KIAA0513: variants seen among roughly 807,000 people sequenced by gnomAD.
KIAA0513 encodes uncharacterized protein KIAA0513.
A neutral mutation model predicts 56.5 loss-of-function variants in KIAA0513; 39 were observed. The ratio of observed to expected loss-of-function variants is 0.69; its 90% CI spans 0.53 to 0.90. The LOEUF is 0.90. Ranked by LOEUF, KIAA0513 falls within the 40% of genes least tolerant of loss-of-function variation. The pLI, the probability that KIAA0513 is intolerant of heterozygous loss-of-function variation, is 0.00. For missense variants in KIAA0513, 591 were observed against 535.2 expected (o/e 1.10, Z -1.03); for synonymous variants, 268 against 215.6 (o/e 1.24, Z -2.13).
At chr16:85,050,355 ATTTATTTT>A (rs1420531537) in intron 1 of KIAA0513, among the ~76,000 whole-genome samples, 13 of 54,512 alleles carry the variant, frequency 2.4e-4, no homozygotes, top group African/African-American at 1.6e-3. Context: ...TTATTTATTT[ATTTATTTT>A]TTTTGAGACG....
chr16:85,086,899 T>G, intron 11 of KIAA0513, 173 bp from the exon 12 acceptor site: 1 of 815,462 alleles, frequency 1.2e-6, no homozygotes, highest in African/African-American at 1.7e-5. Context: ...CGACCCCTGG[T>G]GGCCACAGTG....
chr16:85,055,024 G>A (rs1567529957), intron 1 of KIAA0513, among the ~76,000 whole-genome samples: 1 of 151,712 alleles, frequency 6.6e-6, no homozygotes, highest in Non-Finnish European at 1.5e-5. Flanking sequence ...CTGGACTCAA[G>A]CAGTCCTCCC....
At chr16:85,072,500 C>T (rs1313986974) in intron 3 of KIAA0513, among the ~76,000 whole-genome samples, 1 of 150,174 alleles carries the variant, frequency 6.7e-6, no homozygotes, top group Admixed American at 6.6e-5. Flanking sequence ...CCTGAGTGGC[C>T]TAAGTTTTTA....
chr16:85,038,612 G>A lies in KIAA0513; in HGVS notation c.-173+10754G>A, dbSNP rs1475141161. Among the ~76,000 whole-genome samples the A allele has an allele frequency of 2.0e-5, 3 of 151,266 alleles. No individual in the cohort carries two copies. The East Asian group carries it at 5.8e-4, about 29-fold the overall frequency. ...AATCCCAGCTACACGGGAGGCTGAG[G>A]CAGGAGAATCACTTGAACCTAGGAG... On this transcript the variant is annotated intron_variant, in intron 1 of 12. Transcript: ENST00000683363.
intron 4 of KIAA0513, among the ~76,000 whole-genome samples, chr16:85,073,962 GTTTTGTTTTTGT>G (rs56301630): frequency 4.1e-4 from 62 of 150,682 alleles, no homozygotes; most frequent in South Asian, 3.6e-3. Context: ...TTTTTGTTTT[GTTTTGTTTTTGT>G]TTTTGTTTTT....
Position 85,088,330 on chromosome 16 carries a change from C to T in KIAA0513, c.*5C>T, listed in dbSNP as rs779231870. ...GAGCAAATGGCCACTGAGTAGGCCC[C>T]AGAGGTCGCACTCCGCAGGAGGACT... On this transcript the variant is annotated 3_prime_UTR_variant, in exon 13 of 13. Transcript: ENST00000683363. 2 of 1,608,784 alleles carry T rather than the reference C, an allele frequency of 1.2e-6. No individual in the cohort carries two copies. The highest frequency in any genetic ancestry group is 2.2e-5 in the South Asian group (2 of 91,072).
intron 1 of KIAA0513, among the ~76,000 whole-genome samples, chr16:85,045,872 C>G (rs975094116): frequency 2.0e-5 from 3 of 152,212 alleles, no homozygotes; most frequent in Admixed American, 6.5e-5. Context: ...CCACTTCCAT[C>G]TGCCCATCTG....
intron 2 of KIAA0513, 124 bp downstream of exon 2, chr16:85,067,524 C>A: frequency 1.3e-6 from 1 of 762,190 alleles, no homozygotes; most frequent in Non-Finnish European, 2.1e-6. Flanking sequence ...ATTTCCCCAT[C>A]AGCCAGGGGT....
chr16:85,039,228 A>G (rs974751916), intron 1 of KIAA0513, among the ~76,000 whole-genome samples: 2 of 152,216 alleles, frequency 1.3e-5, no homozygotes, highest in Non-Finnish European at 2.9e-5. Context: ...GGCCCATTTA[A>G]TGTCGCAAGG....
rs62049921 is a variant in KIAA0513, at chr16:85,077,660, C to A, written c.782+28C>A. The A allele has an allele frequency of 1.4e-5, 22 of 1,544,660 alleles. No individual in the cohort carries two copies. In the African/African-American group the frequency reaches 2.7e-4, roughly 19 times the overall value. On this transcript the variant is annotated intron_variant, in intron 6 of 12. Coordinates refer to ENST00000683363, the MANE Select transcript of KIAA0513 (RefSeq NM_001388359.1). ...ACGTGTGGCCTTGGGGTCCCTCCCA[C>A]CTGCAGGGGACTGGGGAGAGGCTGG...
intron 11 of KIAA0513, 128 bp downstream of exon 11, chr16:85,086,852 G>A: frequency 1.1e-6 from 1 of 918,396 alleles, no homozygotes; most frequent in Non-Finnish European, 1.7e-6. Flanking sequence ...ATCACACTTG[G>A]CCTCCATGCC....
chr16:85,043,686 T>G (rs978928630), intron 1 of KIAA0513, among the ~76,000 whole-genome samples: 3 of 152,124 alleles, frequency 2.0e-5, no homozygotes, highest in African/African-American at 7.2e-5. Context: ...GTGCTGGAAT[T>G]ACAGGTGTGA....
intron 8 of KIAA0513, 56 bp downstream of exon 8, chr16:85,079,059 C>T (rs1567544263): frequency 6.2e-7 from 1 of 1,613,520 alleles, no homozygotes; most frequent in Non-Finnish European, 8.5e-7. Flanking sequence ...CCAGCAGTCA[C>T]TCCCCGGGAT....
Position 85,031,642 on chromosome 16 carries a change from T to A in KIAA0513, c.-173+3784T>A, listed in dbSNP as rs185010039. ...GTCATTCACCACGGTCCTGCCTTCT[T>A]CCTGTGCCTTCCGTGTGCCAAGATG... On this transcript the variant is annotated intron_variant, in intron 1 of 12. Transcript: ENST00000683363. 1.1e-3 allele frequency among the ~76,000 whole-genome samples: 166 copies of A among 152,296 alleles called. 1 individual carries two copies. Among genetic ancestry groups the A allele is most frequent in the African/African-American group, 3.8e-3 (160 of 41,566 alleles).
Position 85,081,112 on chromosome 16 carries a change from C to G in KIAA0513, c.903-203C>G, listed in dbSNP as rs974231876. Among the ~76,000 whole-genome samples, 2 of 152,218 alleles carry G rather than the reference C, an allele frequency of 1.3e-5. No homozygotes were observed. The highest frequency in any genetic ancestry group is 2.9e-5 in the Non-Finnish European group (2 of 68,046). The stretch of plus-strand genomic sequence containing the variant: ...TGCGCCATCTCTCCTAAGAGATACG[C>G]AGCCGCTGGGAGCCCCAGGGAAACA... On this transcript the variant is annotated intron_variant, in intron 8 of 12. Transcript: ENST00000683363. This position sits in a 1 kb window ranked among gnomAD's most constrained non-coding sequence, Gnocchi z 4.4.
intron 4 of KIAA0513, 152 bp downstream of exon 4, chr16:85,073,150 T>G (rs921433118): frequency 1.4e-6 from 1 of 715,646 alleles, no homozygotes; most frequent in African/African-American, 1.7e-5. Flanking sequence ...AGCATTCAGC[T>G]AAAAGGCACA....
chr16:85,064,546 C>G (rs1032535846), intron 1 of KIAA0513, among the ~76,000 whole-genome samples: 2 of 152,046 alleles, frequency 1.3e-5, no homozygotes, highest in Non-Finnish European at 2.9e-5. Context: ...TTAATTTTAC[C>G]ATAACTTTAC....
chr16:85,073,634 C>G (rs2073611931), intron 4 of KIAA0513, among the ~76,000 whole-genome samples: 1 of 152,236 alleles, frequency 6.6e-6, no homozygotes, highest in Admixed American at 6.5e-5. Flanking sequence ...CTTCATGCCT[C>G]CAAGGTGTGA....
chr16:85,072,834 G>T, intron 3 of KIAA0513, 91 bp from the exon 4 acceptor site: 2 of 1,266,858 alleles, frequency 1.6e-6, no homozygotes, highest in South Asian at 1.2e-5. Flanking sequence ...AGCTGCATTT[G>T]GAAACACTGA....
Sources: gnomAD v4.1 joint callset for allele counts (sites outside exome capture counted in the v4.1 genomes callset) on GRCh38, gnomAD v4.1.1 for gene constraint, Gnocchi (gnomAD v3.1) non-coding constraint, MANE v1.5 for transcripts, NCBI Gene and HGNC (gene_info 2026-07-23, HGNC 2026-07-21) for gene names.